Variants in UBE3A observed in about 807,000 individuals in gnomAD.
UBE3A encodes the protein ubiquitin-protein ligase E3A.
UBE3A carries 6 observed loss-of-function variants against 83.4 expected under a neutral mutation model. The ratio of observed to expected loss-of-function variants is 0.07; its 90% CI spans 0.04 to 0.14. UBE3A has a LOEUF of 0.14. UBE3A is among the 10% of genes least tolerant of loss of function. The pLI is 1.00. For missense variants in UBE3A, 456 were observed against 1,036.1 expected (o/e 0.44, Z 7.69); for synonymous variants, 337 against 355.4 (o/e 0.95, Z 0.58).
intron 4 of UBE3A, among the ~76,000 whole-genome samples, chr15:25,396,343 G>A (rs756245941): frequency 2.0e-5 from 3 of 152,120 alleles, no homozygotes; most frequent in Admixed American, 1.3e-4. Context: ...GGTGGCTCAC[G>A]TCTGTAGTCC....
intron 4 of UBE3A, among the ~76,000 whole-genome samples, chr15:25,393,514 C>A (rs1356816451): frequency 3.9e-5 from 6 of 152,100 alleles, no homozygotes; most frequent in Admixed American, 3.3e-4. Flanking sequence ...TCATTTATAG[C>A]TGACAAGAAG....
intron 1 of UBE3A, among the ~76,000 whole-genome samples, chr15:25,426,479 T>C (rs1483818473): frequency 6.6e-6 from 1 of 152,204 alleles, no homozygotes; most frequent in Non-Finnish European, 1.5e-5. Flanking sequence ...AAAAGACTTA[T>C]AATGCAATAT....
At position 25,336,882 on chromosome 15, in the gene UBE3A, T is replaced by C. The variant is rs1197758558; in HGVS notation, c.*2255A>G. On this transcript the variant is annotated 3_prime_UTR_variant, in exon 13 of 13. Coordinates refer to ENST00000648336, the MANE Select transcript of UBE3A (RefSeq NM_130839.5). ...GGGCAAAAAAAGTACTTTTATAACA[T>C]AACATTTGGGGTAGAGGAAGTATCC... 1 of 152,106 alleles carries C rather than the reference T, an allele frequency of 6.6e-6. No individual in the cohort carries two copies. The allele number at this position is 152,106 out of a possible 1,614,324, so 9.4% of individuals were successfully genotyped here.
Position 25,438,721 on chromosome 15 carries a change from G to C in UBE3A, c.-397C>G, listed in dbSNP as rs1327484411. 1 of 152,442 alleles carries C rather than the reference G, an allele frequency of 6.6e-6. No homozygotes were observed. Among genetic ancestry groups the C allele is most frequent in the African/African-American group, 2.4e-5 (1 of 41,472 alleles). The allele number at this position is 152,442 out of a possible 1,614,324, so 9.4% of individuals were successfully genotyped here. A position where few individuals can be genotyped will look rare whatever the true frequency, so the allele number is the denominator to read the frequency against. On this transcript the variant is annotated 5_prime_UTR_variant, in exon 1 of 13. Transcript: ENST00000648336. ...CGCTGCCTGTCCACACCGGGGGGCT[G>C]AGGGGCCCTCCTGCCAGGGGCTACA... is the stretch of plus-strand genomic sequence containing the variant.
At chr15:25,347,578 T>TA (rs1352897335) in intron 11 of UBE3A, among the ~76,000 whole-genome samples, 1 of 152,126 alleles carries the variant, frequency 6.6e-6, no homozygotes, top group African/African-American at 2.4e-5. Flanking sequence ...CATGTGCCTG[T>TA]AGTCCCAGCT....
chr15:25,411,649 A>G (rs2090024931), intron 2 of UBE3A, among the ~76,000 whole-genome samples: 1 of 152,126 alleles, frequency 6.6e-6, no homozygotes, highest in Admixed American at 6.5e-5. Flanking sequence ...TATTATTAAT[A>G]CTCATAGCCC....
chr15:25,341,724 T>C (rs1049918334), intron 11 of UBE3A, among the ~76,000 whole-genome samples: 2 of 145,940 alleles, frequency 1.4e-5, no homozygotes. Context: ...GATCACACCA[T>C]TGCACTCTAG....
At chr15:25,383,457 T>C (rs1567007178) in intron 4 of UBE3A, among the ~76,000 whole-genome samples, 1 of 152,014 alleles carries the variant, frequency 6.6e-6, no homozygotes, top group African/African-American at 2.4e-5. Context: ...GCCAACACAG[T>C]GAAACCCTGT....
intron 4 of UBE3A, among the ~76,000 whole-genome samples, chr15:25,399,384 G>T (rs776573598): frequency 4.6e-5 from 7 of 152,132 alleles, no homozygotes; most frequent in Admixed American, 1.3e-4. Context: ...TTTGGTATAT[G>T]ATGTGAGATA....
At chr15:25,424,644 G>C (rs1890792103) in intron 1 of UBE3A, among the ~76,000 whole-genome samples, 1 of 151,870 alleles carries the variant, frequency 6.6e-6, no homozygotes, top group Admixed American at 6.6e-5. Context: ...CCAACCATTT[G>C]AAAGATTCCT....
At chr15:25,390,552 T>C (rs1028203081) in intron 4 of UBE3A, among the ~76,000 whole-genome samples, 4 of 152,094 alleles carry the variant, frequency 2.6e-5, no homozygotes, top group Admixed American at 6.5e-5. Flanking sequence ...TACTGTATGA[T>C]TACAAGTATA....
rs777610637 is a variant in UBE3A, at chr15:25,335,779, A to C, written c.*3358T>G. On this transcript the variant is annotated 3_prime_UTR_variant, in exon 13 of 13. Coordinates refer to ENST00000648336, the MANE Select transcript of UBE3A (RefSeq NM_130839.5). ...GATTGGGGAAGAATCTTTGGGAGTG[A>C]CTGAGGTTGACTAGAGGGAACTGGG... 1.3e-5 allele frequency: 2 copies of C among 152,212 alleles called. No homozygotes were observed. The highest frequency in any genetic ancestry group is 2.4e-5 in the African/African-American group (1 of 41,442). The allele number at this position is 152,212 out of a possible 1,614,324, so 9.4% of individuals were successfully genotyped here.
At chr15:25,405,067 T>C (rs147218829) in intron 4 of UBE3A, among the ~76,000 whole-genome samples, 31 of 152,328 alleles carry the variant, frequency 2.0e-4, no homozygotes, top group African/African-American at 6.7e-4. Flanking sequence ...CACTCTTGAG[T>C]ATAATATAAA....
chr15:25,384,942 T>C lies in UBE3A; in HGVS notation c.63-9179A>G, dbSNP rs1434435324. Among the ~76,000 whole-genome samples the C allele has an allele frequency of 2.6e-5, 4 of 152,120 alleles. No individual in the cohort carries two copies. In the East Asian group the frequency reaches 7.7e-4, roughly 29 times the overall value. On this transcript the variant is annotated intron_variant, in intron 4 of 12. Transcript: ENST00000648336. ...AGTTGGAGCCTTATCTCACACCATA[T>C]ACAAAGATGAACTCAAGCTGGATTA... is the stretch of plus-strand genomic sequence containing the variant.
chr15:25,410,756 T>C (rs537610820), intron 2 of UBE3A, among the ~76,000 whole-genome samples: 4 of 152,294 alleles, frequency 2.6e-5, no homozygotes, highest in South Asian at 2.1e-4. Context: ...GGATTTATAG[T>C]ATCTGTAAGA....
At chr15:25,430,060 TTA>T (rs553806370) in intron 1 of UBE3A, among the ~76,000 whole-genome samples, 5 of 99,842 alleles carry the variant, frequency 5.0e-5, no homozygotes, top group South Asian at 3.0e-4. Context: ...TTTATATGTA[TTA>T]TATATATATA....
At chr15:25,369,914 A>G (rs996348452) in intron 6 of UBE3A, among the ~76,000 whole-genome samples, 42 of 152,194 alleles carry the variant, frequency 2.8e-4, no homozygotes, top group Non-Finnish European at 5.9e-5. Flanking sequence ...TGTTACAGGC[A>G]CCACTAATCC....
intron 6 of UBE3A, among the ~76,000 whole-genome samples, chr15:25,364,792 T>C (rs959331195): frequency 5.9e-5 from 9 of 151,940 alleles, no homozygotes; most frequent in Admixed American, 1.3e-4. Flanking sequence ...TACAGGCGCC[T>C]GCCACCGCGC....
intron 9 of UBE3A, 23 bp downstream of exon 9, chr15:25,355,869 T>C (rs1200775473): frequency 6.2e-7 from 1 of 1,602,802 alleles, no homozygotes; most frequent in Non-Finnish European, 8.5e-7. Flanking sequence ...AGAGACAAAA[T>C]GTGACATAAA....
Sources: allele counts gnomAD v4.1 joint callset (sites outside exome capture counted in the v4.1 genomes callset), GRCh38; gene constraint gnomAD v4.1.1; transcripts MANE v1.5; gene names NCBI Gene and HGNC (gene_info 2026-07-23, HGNC 2026-07-21).